PCED1A: variants seen among roughly 807,000 people sequenced by gnomAD.
PCED1A encodes PC-esterase domain containing 1A, also known as PC-esterase domain-containing protein 1A.
In PCED1A, 20 loss-of-function variants were observed where a neutral mutation model predicts 41.9. That is an observed-to-expected ratio of 0.48 (90% CI 0.34 to 0.69). The LOEUF (loss-of-function observed/expected upper bound fraction) is 0.69, where lower values mean the gene tolerates loss of function less well. PCED1A is among the 30% of genes least tolerant of loss of function. PCED1A has a pLI of 0.01. For synonymous variants in PCED1A, 236 were observed against 241.3 expected, an observed-to-expected ratio of 0.98 and a Z score of 0.20; for missense variants, 498 against 602.1, an observed-to-expected ratio of 0.83 and a Z score of 1.81.
At position 2,840,347 on chromosome 20, in the gene PCED1A, C is replaced by G. The variant is rs2088941746; in HGVS notation, c.-158G>C. On this transcript the variant is annotated 5_prime_UTR_variant, in exon 1 of 8. Coordinates refer to ENST00000360652, the MANE Select transcript of PCED1A (RefSeq NM_022760.6). ...CCAGTCGGTTCTGCAAAGCTCCCGC[C>G]CCGCAGAGACCGTGGGTCCAGGTTA... 3.6e-6 allele frequency: 1 copy of G among 274,676 alleles called. No individual in the cohort carries two copies. Among genetic ancestry groups the G allele is most frequent in the African/African-American group, 2.3e-5 (1 of 43,848 alleles). The allele number at this position is 274,676 out of a possible 1,614,324, so 17.0% of individuals were successfully genotyped here.
chr20:2,840,722 C>T, upstream of PCED1A: 1 of 1,534,660 alleles, frequency 6.5e-7, no homozygotes, highest in East Asian at 2.5e-5. Flanking sequence ...GGCCTGGAGC[C>T]CGCTCTAGGT....
chr20:2,838,670 C>G lies in PCED1A; in HGVS notation c.520G>C (p.Asp174His), dbSNP rs769417887. 2.6e-5 allele frequency: 42 copies of G among 1,614,114 alleles called. No homozygotes were observed. The South Asian group carries it at 4.2e-4, about 16-fold the overall frequency. ...VFVRMDQVLP[D>H]SCLLVWNMAM... ...ATGTTCCACACCAGCAGGCAGGAGT[C>G]TGGCAATACTTGGTCCATGCGCACA... Residue 174 changes from aspartate (D) to histidine (H), a missense_variant, in exon 5 of 8, where the codon GAC (aspartate) becomes CAC (histidine). Asp to His is a moderately conservative substitution (Grantham distance 81). This residue lies in a region of PCED1A where 253 missense variants were observed against 369.7 expected (regional missense o/e 0.68). Transcript: ENST00000360652. This position sits in a 1 kb window ranked among gnomAD's most constrained non-coding sequence, Gnocchi z 5.8.
chr20:2,839,993 G>A lies in PCED1A; in HGVS notation c.-21-60C>T, dbSNP rs557284923. The A allele has an allele frequency of 5.2e-4, 789 of 1,508,788 alleles. 17 individuals are homozygous for A. In the East Asian group the frequency reaches 0.018, roughly 35 times the overall value. 93.5% of individuals were successfully genotyped at this position (1,508,788 alleles called of 1,614,324 possible). On this transcript the variant is annotated intron_variant, in intron 1 of 7. Coordinates refer to ENST00000360652, the MANE Select transcript of PCED1A (RefSeq NM_022760.6). Reference sequence around the variant, plus strand: ...GGGACTCTGGGCAGGTCAGCCTCAGGGCTAGCCCCTCCGGGGCTGCTCAAT... The same window carrying A: ...GGGACTCTGGGCAGGTCAGCCTCAGAGCTAGCCCCTCCGGGGCTGCTCAAT...
chr20:2,840,835 G>GCGGCCCC, upstream of PCED1A: 2 of 1,524,224 alleles, frequency 1.3e-6, no homozygotes. Context: ...CCGGTGAGCT[G>GCGGCCCC]CCCCGCCCTC....
In PCED1A at chr20:2,839,084, T is replaced by TTGGGGCCCC; in HGVS notation, c.205-3_205-2insGGGGCCCCA. On this transcript the variant is annotated splice_region_variant and splice_polypyrimidine_tract_variant and intron_variant, in intron 3 of 7. Transcript: ENST00000360652. The stretch of plus-strand genomic sequence containing the variant: ...GTCCTGTTCAAAGCTCAGCTCCCCC[T>TTGGGGCCCC]ACCCACCCCCCCCACCCTACTGGTC... 1.4e-6 allele frequency: 1 copy of TTGGGGCCCC among 725,270 alleles called. No individual in the cohort carries two copies. The highest frequency in any genetic ancestry group is 1.9e-6 in the Non-Finnish European group (1 of 522,242). The allele number at this position is 725,270 out of a possible 1,614,324, so 44.9% of individuals were successfully genotyped here.
At chr20:2,836,525 T>G (rs561163129) in intron 6 of PCED1A, among the ~76,000 whole-genome samples, 3 of 152,260 alleles carry the variant, frequency 2.0e-5, no homozygotes, top group Middle Eastern at 3.4e-3. Context: ...AGACTTACCT[T>G]TGTTCTAACC....
At chr20:2,839,426 G>A (rs1242309118) in intron 2 of PCED1A, among the ~76,000 whole-genome samples, 155 bp from the exon 3 acceptor site, 1 of 152,178 alleles carries the variant, frequency 6.6e-6, no homozygotes, top group Non-Finnish European at 1.5e-5. Context: ...AAAAGTCCTG[G>A]CATTGCCTCT....
chr20:2,838,926 G>C lies in PCED1A; in HGVS notation c.361C>G (p.Leu121Val), dbSNP rs775680046. 1.2e-6 allele frequency: 2 copies of C among 1,614,104 alleles called. No individual in the cohort carries two copies. The highest frequency in any genetic ancestry group is 1.7e-6 in the Non-Finnish European group (2 of 1,180,030). ...GTCAGCTCTTCCAGAACATCCTCAA[G>C]GTACTCGGAGTAAACACGAGTGAGG... ...YFLTRVYSEY[L>V]EDVLEELTYG... Residue 121 changes from leucine (L) to valine (V), a missense_variant, in exon 4 of 8, where the codon CTT becomes GTT. Leu to Val is a conservative substitution (Grantham distance 32). Around this residue, in one of 2 missense-constraint regions of PCED1A, gnomAD observed 253 missense variants for 369.7 expected, o/e 0.68. Coordinates refer to ENST00000360652, the MANE Select transcript of PCED1A (RefSeq NM_022760.6). This position sits in a 1 kb window ranked among gnomAD's most constrained non-coding sequence, Gnocchi z 5.8.
intron 7 of PCED1A, 28 bp downstream of exon 7, chr20:2,836,011 A>T: frequency 1.4e-6 from 2 of 1,465,466 alleles, no homozygotes. Flanking sequence ...GAGGTACAAG[A>T]GGGTGGGGGA....
At chr20:2,836,899 T>C (rs1599949634) in intron 6 of PCED1A, among the ~76,000 whole-genome samples, 1 of 152,178 alleles carries the variant, frequency 6.6e-6, no homozygotes, top group African/African-American at 2.4e-5. Context: ...ATAGCCCCTC[T>C]TTCCTGCCAA....
In PCED1A at chr20:2,840,633, C is replaced by T; in HGVS notation, c.-444G>A. 1 of 915,522 alleles carries T rather than the reference C, an allele frequency of 1.1e-6. No homozygotes were observed. The highest frequency in any genetic ancestry group is 1.5e-5 in the South Asian group (1 of 67,498). 56.7% of individuals were successfully genotyped at this position (915,522 alleles called of 1,614,324 possible). ...CGGGCTGGGGTCTCGGGGCGGCAGC[C>T]AAGTGAGGCTGCCCACAGTGGTGAT... is the stretch of plus-strand genomic sequence containing the variant. On this transcript the variant is annotated 5_prime_UTR_variant, in exon 1 of 8. Transcript: ENST00000360652.
chr20:2,839,563 C>G (rs2088909162), intron 2 of PCED1A, among the ~76,000 whole-genome samples: 1 of 152,152 alleles, frequency 6.6e-6, no homozygotes, highest in South Asian at 2.1e-4. Context: ...TTATGGGGAG[C>G]TGTCAGGGCG....
In PCED1A at chr20:2,838,679, C is replaced by A. The variant is rs775361558; in HGVS notation, c.511G>T (p.Val171Leu). Residue 171 changes from valine to leucine, a missense_variant, in exon 5 of 8, where the codon GTA becomes TTA. By Grantham distance (32) the Val-to-Leu change is conservative. Transcript: ENST00000360652. This position sits in a 1 kb window ranked among gnomAD's most constrained non-coding sequence, Gnocchi z 5.8. The part of the protein sequence containing the change: ...LERVFVRMDQ[V>L]LPDSCLLVWN... The stretch of plus-strand genomic sequence containing the variant: ...ACCAGCAGGCAGGAGTCTGGCAATA[C>A]TTGGTCCATGCGCACAAACACCCGC... The A allele has an allele frequency of 1.1e-5, 18 of 1,614,104 alleles. No homozygotes were observed. Among genetic ancestry groups the A allele is most frequent in the Non-Finnish European group, 1.4e-5 (17 of 1,180,046 alleles).
In PCED1A at chr20:2,835,658, G is replaced by A. The variant is rs2088812695; in HGVS notation, c.1169C>T (p.Pro390Leu). 1.3e-6 allele frequency: 2 copies of A among 1,591,540 alleles called. No individual in the cohort carries two copies. The highest frequency in any genetic ancestry group is 1.7e-6 in the Non-Finnish European group (2 of 1,164,188). ...FVPGPLPPPI[P>L]GPNPHGQHWG... ...GTGCTGACCATGGGGATTAGGGCCA[G>A]GGATTGGAGGTGGCAGAGGGCCAGG... The change falls in exon 8 of 8, where the codon CCT (proline) becomes CTT (leucine). Residue 390 changes from proline (P) to leucine (L), a missense_variant. By Grantham distance (98) the Pro-to-Leu change is moderately conservative (BLOSUM62 -3). Transcript: ENST00000360652.
In PCED1A at chr20:2,835,442, G is replaced by A; in HGVS notation, c.*20C>T. The stretch of plus-strand genomic sequence containing the variant: ...CCCTGAAGGGCCATTGGCACATCCA[G>A]TCCCAGCCCAAGATCCAGTCTACCC... On this transcript the variant is annotated 3_prime_UTR_variant, in exon 8 of 8. Coordinates refer to ENST00000360652, the MANE Select transcript of PCED1A (RefSeq NM_022760.6). 3.1e-6 allele frequency: 5 copies of A among 1,591,616 alleles called. No individual in the cohort carries two copies. Among genetic ancestry groups the A allele is most frequent in the Non-Finnish European group, 4.3e-6 (5 of 1,164,892 alleles).
chr20:2,840,928 G>C, upstream of PCED1A: 1 of 1,182,082 alleles, frequency 8.5e-7, no homozygotes, highest in Non-Finnish European at 1.2e-6. Context: ...TGGCGCTGGG[G>C]TCCGCCCCGC....
rs755007831 is a variant in PCED1A, at chr20:2,835,508, TTGTA to T, written c.1315_1318del (p.Tyr439AsnfsTer?). The T allele has an allele frequency of 6.2e-7, 1 of 1,614,112 alleles. No individual in the cohort carries two copies. The highest frequency in any genetic ancestry group is 1.7e-5 in the Admixed American group (1 of 60,020). Reference sequence around the variant, plus strand: ...ATGGGCAGGAGGCCGTCTGTCCAGTTTGTATGTGTGGATCAGTCTCTCTGAGTGT... The same window carrying T: ...ATGGGCAGGAGGCCGTCTGTCCAGTTTGTGTGGATCAGTCTCTCTGAGTGT... On this transcript the variant is annotated frameshift_variant, in exon 8 of 8. Coordinates refer to ENST00000360652, the MANE Select transcript of PCED1A (RefSeq NM_022760.6). LOFTEE classifies it high-confidence loss of function.
In PCED1A at chr20:2,840,299, T is replaced by A. The variant is rs970553365; in HGVS notation, c.-110A>T. The A allele has an allele frequency of 2.0e-5, 5 of 247,714 alleles. No homozygotes were observed. The East Asian group carries it at 5.7e-4, about 28-fold the overall frequency. The allele number at this position is 247,714 out of a possible 1,614,324, so 15.3% of individuals were successfully genotyped here. ...CCCGCAGCGGGCTCCTAGCCAAGCC[T>A]CATGTTCCCGCGCCCCAGTCGGCCA... On this transcript the variant is annotated 5_prime_UTR_variant, in exon 1 of 8. The change abolishes the stop of an existing upstream ORF in the 5' untranslated region. Coordinates refer to ENST00000360652, the MANE Select transcript of PCED1A (RefSeq NM_022760.6).
rs1472033880 is a variant in PCED1A, at chr20:2,836,142, T to C, written c.1014A>G (p.Pro338=). 7.4e-7 allele frequency: 1 copy of C among 1,358,698 alleles called. No individual in the cohort carries two copies. The highest frequency in any genetic ancestry group is 9.7e-7 in the Non-Finnish European group (1 of 1,030,516). The allele number at this position is 1,358,698 out of a possible 1,614,324, so 84.2% of individuals were successfully genotyped here. ...AAAAAGGGGTATCCTGGGGCAGGGG[T>C]GGGAAGAGGGGAGGTGGCGAGGGCT... ...LPQPSPPPLF[P]PLPQDTPFFP... Residue 338 remains proline, a synonymous_variant, in exon 7 of 8, where the codon CCA becomes CCG. Coordinates refer to ENST00000360652, the MANE Select transcript of PCED1A (RefSeq NM_022760.6).
Sources: allele counts gnomAD v4.1 joint callset (sites outside exome capture counted in the v4.1 genomes callset), GRCh38; gene constraint gnomAD v4.1.1; regional missense constraint gnomAD v4.1.1; non-coding constraint Gnocchi (gnomAD v3.1); transcripts MANE v1.5; gene names NCBI Gene and HGNC (gene_info 2026-07-23, HGNC 2026-07-21).